The following SHANK2 variants were observed in gnomAD, a reference collection of about 807,000 sequenced individuals.
SHANK2 encodes the protein SH3 and multiple ankyrin repeat domains protein 2.
Under a neutral mutation model 133.7 loss-of-function variants are expected in SHANK2, and 43 were observed. The ratio of observed to expected loss-of-function variants is 0.32; its 90% CI spans 0.25 to 0.41. The LOEUF is 0.41. SHANK2 is among the 10% of genes least tolerant of loss of function. SHANK2 has a pLI of 1.00. For synonymous variants in SHANK2, 1,017 were observed against 952.8 expected (o/e 1.07, Z -1.24); for missense variants, 1,994 against 2,235.8 (o/e 0.89, Z 2.18).
chr11:71,252,116 C>T lies in SHANK2; in HGVS notation c.-113+309G>A, dbSNP rs1328581959. ...TGGTCCATGCGCGCAGGAGATAAAG[C>T]GGGGGCTCCTTCCTGCGCTCTGCCC... On this transcript the variant is annotated intron_variant, in intron 1 of 25. Transcript: ENST00000601538. This position sits in a 1 kb window ranked among gnomAD's most constrained non-coding sequence, Gnocchi z 6.3. 6.6e-6 allele frequency among the ~76,000 whole-genome samples: 1 copy of T among 152,178 alleles called. No individual in the cohort carries two copies. Among genetic ancestry groups the T allele is most frequent in the African/African-American group, 2.4e-5 (1 of 41,462 alleles).
intron 17 of SHANK2, among the ~76,000 whole-genome samples, chr11:70,612,687 G>A (rs2060676808): frequency 2.0e-5 from 3 of 152,216 alleles, no homozygotes; most frequent in African/African-American, 4.8e-5. Flanking sequence ...CGGGGTCTGC[G>A]CGTGCAATTC....
chr11:70,779,260 C>G (rs541912629), intron 14 of SHANK2, among the ~76,000 whole-genome samples: 2 of 151,094 alleles, frequency 1.3e-5, no homozygotes, highest in Admixed American at 6.6e-5. Flanking sequence ...AAGTGGCATA[C>G]GAGACAGAAA....
chr11:70,870,319 G>A (rs1483285439), intron 11 of SHANK2, among the ~76,000 whole-genome samples: 1 of 152,132 alleles, frequency 6.6e-6, no homozygotes, highest in African/African-American at 2.4e-5. Flanking sequence ...GGGAGGGAGG[G>A]GCAGATTCAG....
chr11:70,733,627 G>A (rs1431112689), intron 14 of SHANK2, among the ~76,000 whole-genome samples: 4 of 152,244 alleles, frequency 2.6e-5, no homozygotes, highest in Admixed American at 1.3e-4. Flanking sequence ...GGGAGCACAT[G>A]GCTCCAAAGG....
At chr11:70,801,379 G>T (rs1305428003) in intron 13 of SHANK2, among the ~76,000 whole-genome samples, 1 of 152,238 alleles carries the variant, frequency 6.6e-6, no homozygotes, top group Non-Finnish European at 1.5e-5. Flanking sequence ...TGCCGAGGGT[G>T]CAGGGGAATG....
At chr11:70,780,576 A>T (rs951837045) in intron 14 of SHANK2, among the ~76,000 whole-genome samples, 20 of 140,858 alleles carry the variant, frequency 1.4e-4, no homozygotes, top group African/African-American at 2.4e-4. Context: ...CTGGTAATGC[A>T]TTTTTTTTTT....
intron 10 of SHANK2, among the ~76,000 whole-genome samples, chr11:70,929,097 C>T (rs552189855): frequency 2.6e-5 from 4 of 152,322 alleles, no homozygotes; most frequent in East Asian, 1.9e-4. Context: ...CCCAAGGGCT[C>T]GTCACTTCCT....
intron 17 of SHANK2, among the ~76,000 whole-genome samples, chr11:70,616,255 A>C (rs141282058): frequency 1.3e-5 from 2 of 152,222 alleles, no homozygotes; most frequent in African/African-American, 4.8e-5. Context: ...TACTGAGCTG[A>C]AGGTCCCCGA....
intron 2 of SHANK2, among the ~76,000 whole-genome samples, chr11:71,168,430 G>C (rs1430489800): frequency 7.2e-5 from 11 of 151,854 alleles, no homozygotes; most frequent in Non-Finnish European, 1.6e-4. Flanking sequence ...GGTGGCGGCC[G>C]GGCAGAGGCT....
At chr11:70,607,687 C>T (rs2060597560) in intron 17 of SHANK2, among the ~76,000 whole-genome samples, 1 of 152,224 alleles carries the variant, frequency 6.6e-6, no homozygotes, top group Admixed American at 6.5e-5. Flanking sequence ...GGGCAACTCC[C>T]AACTCCCCAC....
At chr11:70,618,524 C>A (rs1049843790) in intron 17 of SHANK2, among the ~76,000 whole-genome samples, 3 of 152,186 alleles carry the variant, frequency 2.0e-5, no homozygotes, top group Non-Finnish European at 4.4e-5. Flanking sequence ...GCTCTGCCCA[C>A]AGCCAGGCCT....
chr11:71,251,819 C>T (rs996335033), intron 1 of SHANK2, among the ~76,000 whole-genome samples: 2 of 151,396 alleles, frequency 1.3e-5, no homozygotes, highest in Admixed American at 1.3e-4. Flanking sequence ...TCCGCGACAG[C>T]TGCTGCTGCC....
chr11:70,920,652 T>G (rs1227099103), intron 10 of SHANK2, among the ~76,000 whole-genome samples: 2 of 152,202 alleles, frequency 1.3e-5, no homozygotes, highest in African/African-American at 2.4e-5. Context: ...TAATTGCATG[T>G]CCCTAACGGG....
rs530520244 is a variant in SHANK2 at position 70,626,118 on chromosome 11, C to T, written c.2061+33710G>A. ...CCCGCACACACGGTTGCTAAGAAAC[C>T]GTTGCCAAGAGTCACAACTCAGCTG... is the stretch of plus-strand genomic sequence containing the variant. On this transcript the variant is annotated intron_variant, in intron 17 of 25. Transcript: ENST00000601538. Among the ~76,000 whole-genome samples the T allele has an allele frequency of 1.2e-4, 18 of 152,296 alleles. No individual in the cohort carries two copies. The East Asian group carries it at 2.5e-3, about 21-fold the overall frequency.
intron 14 of SHANK2, among the ~76,000 whole-genome samples, chr11:70,756,065 G>C (rs1946867551): frequency 2.0e-5 from 3 of 152,124 alleles, no homozygotes. Flanking sequence ...GCTGCTCTGA[G>C]CTCGTTTCCT....
At position 70,782,850 on chromosome 11, in the gene SHANK2, C is replaced by T. The variant is rs567425823; in HGVS notation, c.1777+15593G>A. ...ATCATCATCGCACACGCAGCACGTC[C>T]GCAGCGGAAGGGCCCGTCAGTAGTG... On this transcript the variant is annotated intron_variant, in intron 14 of 25. Coordinates refer to ENST00000601538, the MANE Select transcript of SHANK2 (RefSeq NM_012309.5). Among the ~76,000 whole-genome samples, 427 of 152,292 alleles carry T rather than the reference C, an allele frequency of 2.8e-3. 1 individual carries two copies. The highest frequency in any genetic ancestry group is 9.7e-3 in the African/African-American group (404 of 41,570).
At chr11:70,644,081 A>G (rs533951892) in intron 17 of SHANK2, among the ~76,000 whole-genome samples, 5 of 152,236 alleles carry the variant, frequency 3.3e-5, no homozygotes, top group Non-Finnish European at 7.3e-5. Context: ...CTTGCCCCAG[A>G]TTTAACAGGA....
intron 9 of SHANK2, among the ~76,000 whole-genome samples, chr11:71,073,603 G>T (rs1951178744): frequency 6.6e-6 from 1 of 152,186 alleles, no homozygotes; most frequent in Admixed American, 6.5e-5. Context: ...GAGTAGCTGG[G>T]ACCACAGGCA....
chr11:71,189,819 G>A (rs1338741202), intron 2 of SHANK2, among the ~76,000 whole-genome samples: 1 of 152,238 alleles, frequency 6.6e-6, no homozygotes, highest in East Asian at 1.9e-4. Flanking sequence ...TGCTGCCCTT[G>A]GGGGTGAATG....
Sources: allele counts gnomAD v4.1 joint callset (sites outside exome capture counted in the v4.1 genomes callset), GRCh38; gene constraint gnomAD v4.1.1; non-coding constraint Gnocchi (gnomAD v3.1); transcripts MANE v1.5; gene names NCBI Gene and HGNC (gene_info 2026-07-23, HGNC 2026-07-21).